Variants in KIF16B observed in about 807,000 individuals in gnomAD.
KIF16B encodes kinesin family member 16B.
KIF16B carries 98 observed loss-of-function variants against 156.3 expected under a neutral mutation model. The observed-to-expected ratio is 0.63, with a 90% CI of 0.53 to 0.74. KIF16B has a LOEUF of 0.74. KIF16B is among the 30% of genes least tolerant of loss of function. The pLI is 0.00. For missense variants in KIF16B, 1,421 were observed against 1,606.5 expected, an observed-to-expected ratio of 0.88 and a Z score of 1.97; for synonymous variants, 564 against 583.7, an observed-to-expected ratio of 0.97 and a Z score of 0.49.
At chr20:16,457,883 T>C (rs1320604886) in intron 12 of KIF16B, among the ~76,000 whole-genome samples, 1 of 151,914 alleles carries the variant, frequency 6.6e-6, no homozygotes, top group Admixed American at 6.6e-5. Flanking sequence ...AATCCCTTTT[T>C]CCTTTTTGAG....
At chr20:16,498,962 A>T (rs1373638748) in intron 10 of KIF16B, among the ~76,000 whole-genome samples, 1 of 152,010 alleles carries the variant, frequency 6.6e-6, no homozygotes, top group Non-Finnish European at 1.5e-5. Flanking sequence ...CATGGGCCAC[A>T]CCTGGTATCT....
In KIF16B at chr20:16,406,475, A is replaced by G. The variant is rs111364760; in HGVS notation, c.1613-19T>C. 1.4e-5 allele frequency: 23 copies of G among 1,609,770 alleles called. No individual in the cohort carries two copies. The South Asian group carries it at 2.2e-4, about 15-fold the overall frequency. On this transcript the variant is annotated intron_variant, in intron 15 of 25. Transcript: ENST00000354981. ...ACAGCACCTGAAAACACACAAAAAC[A>G]GTAATGAATTTACAGTAAGCAGTCT...
intron 1 of KIF16B, among the ~76,000 whole-genome samples, chr20:16,545,214 C>T (rs1251961693): frequency 1.3e-5 from 2 of 152,090 alleles, no homozygotes; most frequent in East Asian, 1.9e-4. Flanking sequence ...TCAAAAGACA[C>T]AAACAACATA....
chr20:16,339,618 A>G (rs1157782697), intron 23 of KIF16B, among the ~76,000 whole-genome samples: 2 of 152,130 alleles, frequency 1.3e-5, no homozygotes, highest in Non-Finnish European at 2.9e-5. Context: ...GGCTGCACTT[A>G]CCAAAATTAA....
Position 16,427,177 on chromosome 20 carries a change from A to C in KIF16B, c.1539T>G (p.Thr513=). 1 of 1,612,724 alleles carries C rather than the reference A, an allele frequency of 6.2e-7. No homozygotes were observed. The highest frequency in any genetic ancestry group is 8.5e-7 in the Non-Finnish European group (1 of 1,179,014). ...ACTGGGACCCACTCAGGGGTATCAG[A>C]GTCACTGTCCCCCCGATATTTTCAA... ...CIFENIGGTV[T]LIPLSGSQCS... is the part of the protein sequence containing the mutation. The change falls in exon 15 of 26, where the codon ACT becomes ACG. Residue 513 remains threonine (T), a synonymous_variant. Coordinates refer to ENST00000354981, the MANE Select transcript of KIF16B (RefSeq NM_024704.5).
intron 25 of KIF16B, among the ~76,000 whole-genome samples, chr20:16,278,968 G>A (rs2063105131): frequency 6.6e-6 from 1 of 152,188 alleles, no homozygotes; most frequent in Admixed American, 6.5e-5. Context: ...GTTCTTCAGA[G>A]TTAAAAGTTC....
At chr20:16,312,251 A>G (rs2063629971) in intron 25 of KIF16B, 84 bp downstream of exon 25, 5 of 929,898 alleles carry the variant, frequency 5.4e-6, no homozygotes, top group Middle Eastern at 4.3e-4. Context: ...GAAGAAATTT[A>G]ATAGTATTTA....
chr20:16,439,512 C>T (rs1227978554), intron 12 of KIF16B, among the ~76,000 whole-genome samples: 1 of 152,124 alleles, frequency 6.6e-6, no homozygotes, highest in Non-Finnish European at 1.5e-5. Context: ...AGGGCTTCTC[C>T]GTGTGCTGTT....
At chr20:16,572,836 A>T (rs2071503998) in intron 1 of KIF16B, among the ~76,000 whole-genome samples, 1 of 152,242 alleles carries the variant, frequency 6.6e-6, no homozygotes, top group East Asian at 1.9e-4. Flanking sequence ...TTAATTGTTA[A>T]GAGAACTTCT....
chr20:16,415,401 C>T (rs900738431), intron 15 of KIF16B, among the ~76,000 whole-genome samples: 3 of 152,108 alleles, frequency 2.0e-5, no homozygotes, highest in African/African-American at 7.2e-5. Context: ...CACAATGCCT[C>T]CCTTCCTTCA....
chr20:16,474,306 G>A (rs149153063), intron 12 of KIF16B, among the ~76,000 whole-genome samples: 152 of 152,172 alleles, frequency 1.0e-3, no homozygotes, highest in African/African-American at 3.3e-3. Flanking sequence ...TTTCTTACCC[G>A]CTCCAGCCTC....
intron 1 of KIF16B, among the ~76,000 whole-genome samples, chr20:16,570,033 A>G (rs1259094206): frequency 1.3e-5 from 2 of 151,990 alleles, no homozygotes; most frequent in African/African-American, 4.8e-5. Flanking sequence ...ACTTTACTCC[A>G]CTGTGGATAT....
At chr20:16,467,056 A>G (rs750087528) in intron 12 of KIF16B, among the ~76,000 whole-genome samples, 3 of 152,236 alleles carry the variant, frequency 2.0e-5, no homozygotes, top group African/African-American at 2.4e-5. Context: ...GTTCTTGCTA[A>G]CAAGGTTTGC....
At chr20:16,417,277 C>T (rs541066592) in intron 15 of KIF16B, among the ~76,000 whole-genome samples, 222 of 152,190 alleles carry the variant, frequency 1.5e-3, no homozygotes, top group Non-Finnish European at 2.0e-3. Flanking sequence ...CTGAACTAAG[C>T]GACAGACCAC....
chr20:16,312,224 A>T, intron 25 of KIF16B, 111 bp downstream of exon 25: 2 of 697,870 alleles, frequency 2.9e-6, no homozygotes, highest in Non-Finnish European at 4.9e-6. Context: ...TTAATGAGGC[A>T]GCATCTTCAC....
At chr20:16,328,006 T>C (rs2063885676) in intron 24 of KIF16B, among the ~76,000 whole-genome samples, 1 of 152,222 alleles carries the variant, frequency 6.6e-6, no homozygotes, top group Non-Finnish European at 1.5e-5. Flanking sequence ...AGATGGTCAA[T>C]AGTTGTCCAA....
At position 16,570,110 on chromosome 20, in the gene KIF16B, T is replaced by C. The variant is rs866091401; in HGVS notation, c.47+3119A>G. 1.2e-4 allele frequency among the ~76,000 whole-genome samples: 19 copies of C among 152,352 alleles called. No homozygotes were observed. In the South Asian group the frequency reaches 3.9e-3, roughly 32 times the overall value. On this transcript the variant is annotated intron_variant, in intron 1 of 25. Transcript: ENST00000354981. ...CAACACCCTCTTTTTAAGACTTGCATAATAATCCACCAAATGATTTACGCT... is the reference window on the plus strand; with the variant it reads ...CAACACCCTCTTTTTAAGACTTGCACAATAATCCACCAAATGATTTACGCT...
At chr20:16,405,909 T>G (rs1055356368) in intron 16 of KIF16B, among the ~76,000 whole-genome samples, 5 of 152,120 alleles carry the variant, frequency 3.3e-5, no homozygotes, top group African/African-American at 1.2e-4. Context: ...GTCCTGCCCT[T>G]TAGACGTCCC....
At position 16,471,581 on chromosome 20, in the gene KIF16B, T is replaced by C. The variant is rs191040850; in HGVS notation, c.1302+22710A>G. 3.3e-5 allele frequency among the ~76,000 whole-genome samples: 5 copies of C among 152,342 alleles called. No homozygotes were observed. The East Asian group carries it at 9.6e-4, about 29-fold the overall frequency. The stretch of plus-strand genomic sequence containing the variant: ...TTCACATATTTAACCGCAAACAGCA[T>C]AGACATTTCTCTTACAGAGAGGGCT... On this transcript the variant is annotated intron_variant, in intron 12 of 25. Transcript: ENST00000354981.
Sources: gnomAD v4.1 joint callset for allele counts (sites outside exome capture counted in the v4.1 genomes callset) on GRCh38, gnomAD v4.1.1 for gene constraint, MANE v1.5 for transcripts, NCBI Gene and HGNC (gene_info 2026-07-23, HGNC 2026-07-21) for gene names.